The following CREB1 variants were observed in gnomAD, a reference collection of about 807,000 sequenced individuals.
The protein encoded by CREB1 is cyclic AMP-responsive element-binding protein 1.
CREB1 carries 2 observed loss-of-function variants against 42.0 expected under a neutral mutation model. The observed-to-expected ratio is 0.05, with a 90% CI of 0.02 to 0.15. The LOEUF is 0.15. Ranked by LOEUF, CREB1 falls within the 10% of genes least tolerant of loss-of-function variation. The pLI is 1.00. For missense variants in CREB1, 199 were observed against 388.9 expected, an observed-to-expected ratio of 0.51 and a Z score of 4.11; for synonymous variants, 123 against 139.9, an observed-to-expected ratio of 0.88 and a Z score of 0.85.
chr2:207,576,773 A>G, intron 6 of CREB1: 23 of 1,045,590 alleles, frequency 2.2e-5, no homozygotes, highest in Non-Finnish European at 2.6e-5. Context: ...GAATAATTTT[A>G]TAAAGACCTT....
rs1052819245 is a variant in CREB1, at chr2:207,604,378, C to T, written c.*7320C>T. The stretch of plus-strand genomic sequence containing the variant: ...ATCTTCCTTCCGCTGGTTTTTCCAT[C>T]TCGTAAGTGGTGCCACTATCCATCT... On this transcript the variant is annotated 3_prime_UTR_variant, in exon 8 of 8. Transcript: ENST00000353267. Among the ~76,000 whole-genome samples the T allele has an allele frequency of 3.9e-5, 6 of 152,194 alleles. No homozygotes were observed. The highest frequency in any genetic ancestry group is 1.4e-4 in the African/African-American group (6 of 41,454).
chr2:207,535,966 G>A (rs912158615), intron 1 of CREB1, among the ~76,000 whole-genome samples: 3 of 151,712 alleles, frequency 2.0e-5, no homozygotes, highest in African/African-American at 4.8e-5. Context: ...GACAACAGGC[G>A]CGCACCACCA....
rs1282702054 is a variant in CREB1, at chr2:207,535,834, T to A, written c.-9+5700T>A. On this transcript the variant is annotated intron_variant, in intron 1 of 7. Coordinates refer to ENST00000353267, the MANE Select transcript of CREB1 (RefSeq NM_004379.5). Reference sequence around the variant, plus strand: ...TATTTATTTATTTTTATTTATTTATTTTTTTGAGGCAAGGTTTGGCTCTAT... The same window carrying A: ...TATTTATTTATTTTTATTTATTTATATTTTTGAGGCAAGGTTTGGCTCTAT... 3.3e-5 allele frequency among the ~76,000 whole-genome samples: 5 copies of A among 151,950 alleles called. No individual in the cohort carries two copies. The East Asian group carries it at 9.6e-4, about 29-fold the overall frequency.
chr2:207,541,555 A>G (rs1056729583), intron 1 of CREB1, among the ~76,000 whole-genome samples: 1 of 152,188 alleles, frequency 6.6e-6, no homozygotes, highest in Admixed American at 6.5e-5. Flanking sequence ...AGGCTATACC[A>G]TCTAGGTTTT....
intron 5 of CREB1, among the ~76,000 whole-genome samples, chr2:207,574,307 A>G (rs931874412): frequency 6.6e-6 from 1 of 152,186 alleles, no homozygotes; most frequent in East Asian, 1.9e-4. Flanking sequence ...TTGTAGTTTT[A>G]TATGTGATAT....
chr2:207,573,372 C>T (rs967636361), intron 5 of CREB1, among the ~76,000 whole-genome samples: 2 of 152,152 alleles, frequency 1.3e-5, no homozygotes, highest in African/African-American at 4.8e-5. Flanking sequence ...TTGATATTTA[C>T]AACAATTGTA....
intron 1 of CREB1, among the ~76,000 whole-genome samples, chr2:207,552,572 CA>C (rs2081551852): frequency 6.7e-6 from 1 of 149,800 alleles, no homozygotes; most frequent in African/African-American, 2.5e-5. Flanking sequence ...TGATGGTTTA[CA>C]GGGGGAGAAA....
chr2:207,548,862 TA>T (rs2106412659), intron 1 of CREB1, among the ~76,000 whole-genome samples: 1 of 152,340 alleles, frequency 6.6e-6, no homozygotes, highest in African/African-American at 2.4e-5. Flanking sequence ...TAATACAGTT[TA>T]TAAAAGTAAA....
rs2082185684 is a variant in CREB1, at chr2:207,567,567, T to C, written c.362+4T>C. On this transcript the variant is annotated splice_donor_region_variant and intron_variant, in intron 4 of 7. Coordinates refer to ENST00000353267, the MANE Select transcript of CREB1 (RefSeq NM_004379.5). Reference sequence around the variant, plus strand: ...TTTCAAGGAGGCCTTCCTACAGGTATGGAATTTAATAGTTAGAATCAAAGA... The same window carrying C: ...TTTCAAGGAGGCCTTCCTACAGGTACGGAATTTAATAGTTAGAATCAAAGA... 1 of 1,591,918 alleles carries C rather than the reference T, an allele frequency of 6.3e-7. No individual in the cohort carries two copies. The highest frequency in any genetic ancestry group is 1.3e-5 in the African/African-American group (1 of 74,572).
At position 207,602,163 on chromosome 2, in the gene CREB1, G is replaced by A. The variant is rs1386418147; in HGVS notation, c.*5105G>A. 1.5e-5 allele frequency: 3 copies of A among 196,736 alleles called. No individual in the cohort carries two copies. The highest frequency in any genetic ancestry group is 1.6e-4 in the East Asian group (2 of 12,646). The allele number at this position is 196,736 out of a possible 1,614,324, so 12.2% of individuals were successfully genotyped here. On this transcript the variant is annotated 3_prime_UTR_variant, in exon 8 of 8. Coordinates refer to ENST00000353267, the MANE Select transcript of CREB1 (RefSeq NM_004379.5). ...CAGGGGGCAGACCGACTTTAAGAGG[G>A]ACCAGATAACGTTTGAATGGAGGGA... is the stretch of plus-strand genomic sequence containing the variant.
At chr2:207,560,664 G>C (rs904167216) in intron 3 of CREB1, among the ~76,000 whole-genome samples, 1 of 152,214 alleles carries the variant, frequency 6.6e-6, no homozygotes, top group African/African-American at 2.4e-5. Flanking sequence ...CTGTAGGACT[G>C]AAGTACCTCA....
intron 3 of CREB1, among the ~76,000 whole-genome samples, chr2:207,564,820 G>A (rs2082082229): frequency 6.6e-6 from 1 of 152,142 alleles, no homozygotes; most frequent in African/African-American, 2.4e-5. Context: ...TGACTTACAA[G>A]TGGCCAAAAT....
In CREB1 at chr2:207,598,486, T is replaced by TA. The variant is rs143222694; in HGVS notation, c.*1444dup. The TA allele has an allele frequency of 3.5e-3, 588 of 169,098 alleles. 4 individuals are homozygous for TA. The highest frequency in any genetic ancestry group is 0.012 in the African/African-American group (504 of 40,826). 10.5% of individuals were successfully genotyped at this position (169,098 alleles called of 1,614,324 possible). A position where few individuals can be genotyped will look rare whatever the true frequency, so the allele number is the denominator to read the frequency against. ...GCTCGATAAATCTAACAGTTACTCT[T>TA]AAAAAAAAAAAAAAAAGACTAAGGT... On this transcript the variant is annotated 3_prime_UTR_variant, in exon 8 of 8. Transcript: ENST00000353267.
chr2:207,546,354 G>A (rs540242633), intron 1 of CREB1, among the ~76,000 whole-genome samples: 1 of 152,202 alleles, frequency 6.6e-6, no homozygotes, highest in African/African-American at 2.4e-5. Context: ...GTATGATACT[G>A]TAATGGTGGA....
chr2:207,575,043 G>T (rs1257107228), intron 5 of CREB1, among the ~76,000 whole-genome samples: 1 of 152,072 alleles, frequency 6.6e-6, no homozygotes, highest in Non-Finnish European at 1.5e-5. Flanking sequence ...TTGTTAACAG[G>T]CATTATTATT....
In CREB1 at chr2:207,568,033, T is replaced by C. The variant is rs75509671; in HGVS notation, c.362+470T>C. The C allele has an allele frequency of 2.0e-5, 3 of 152,608 alleles. No individual in the cohort carries two copies. In the East Asian group the frequency reaches 5.8e-4, roughly 29 times the overall value. 9.5% of individuals were successfully genotyped at this position (152,608 alleles called of 1,614,324 possible). A position where few individuals can be genotyped will look rare whatever the true frequency, so the allele number is the denominator to read the frequency against. ...TTACTGTAATTTTTGTGTTCAGTTA[T>C]AGATGTTGCCTAGTCCATGCCTTGC... On this transcript the variant is annotated intron_variant, in intron 4 of 7. Transcript: ENST00000353267.
At chr2:207,594,608 C>A (rs895151004) in intron 7 of CREB1, among the ~76,000 whole-genome samples, 7 of 152,140 alleles carry the variant, frequency 4.6e-5, no homozygotes, top group Non-Finnish European at 7.3e-5. Context: ...ATTTTGCTTA[C>A]CACTCATCTG....
intron 1 of CREB1, among the ~76,000 whole-genome samples, chr2:207,534,153 G>A (rs187772786): frequency 6.6e-6 from 1 of 152,300 alleles, no homozygotes; most frequent in East Asian, 1.9e-4. Flanking sequence ...CAGAATTGTG[G>A]GGGTTAACTA....
intron 1 of CREB1, among the ~76,000 whole-genome samples, chr2:207,537,425 A>G (rs1574757559): frequency 6.6e-6 from 1 of 152,208 alleles, no homozygotes; most frequent in African/African-American, 2.4e-5. Context: ...TATCTGGAAC[A>G]TATCTGTAGA....
Sources: gnomAD v4.1 joint callset for allele counts (sites outside exome capture counted in the v4.1 genomes callset) on GRCh38, gnomAD v4.1.1 for gene constraint, MANE v1.5 for transcripts, NCBI Gene and HGNC (gene_info 2026-07-23, HGNC 2026-07-21) for gene names.